The following SCFD1 variants were observed in gnomAD, a reference collection of about 807,000 sequenced individuals.
The protein encoded by SCFD1 is sec1 family domain containing 1.
Under a neutral mutation model 103.2 loss-of-function variants are expected in SCFD1, and 37 were observed. The ratio of observed to expected loss-of-function variants is 0.36; its 90% confidence interval spans 0.28 to 0.47. SCFD1 has a LOEUF of 0.47. SCFD1 is among the 20% of genes least tolerant of loss of function. The pLI is 1.00. For synonymous variants in SCFD1, 264 were observed against 245.0 expected, an observed-to-expected ratio of 1.08 and a Z score of -0.73; for missense variants, 639 against 761.2, an observed-to-expected ratio of 0.84 and a Z score of 1.89.
At chr14:30,698,612 G>A (rs960020202) in intron 15 of SCFD1, among the ~76,000 whole-genome samples, 5 of 152,152 alleles carry the variant, frequency 3.3e-5, no homozygotes, top group African/African-American at 1.2e-4. Flanking sequence ...GGTCCCAAGC[G>A]GGTAGGACAA....
chr14:30,661,069 G>A (rs1331074832), intron 10 of SCFD1, among the ~76,000 whole-genome samples: 3 of 151,962 alleles, frequency 2.0e-5, no homozygotes, highest in Admixed American at 6.6e-5. Context: ...TTTCCATGGC[G>A]AAAAAGACAG....
chr14:30,712,337 G>A (rs551271697), intron 19 of SCFD1, among the ~76,000 whole-genome samples: 2 of 152,120 alleles, frequency 1.3e-5, no homozygotes, highest in South Asian at 2.1e-4. Context: ...TGCCAGCTTC[G>A]ACATCAGAGT....
At chr14:30,708,779 TAATAA>T (rs1891659198) in intron 19 of SCFD1, among the ~76,000 whole-genome samples, 1 of 152,194 alleles carries the variant, frequency 6.6e-6, no homozygotes, top group African/African-American at 2.4e-5. Flanking sequence ...TATTTGGGGA[TAATAA>T]AATTGTACCT....
intron 15 of SCFD1, among the ~76,000 whole-genome samples, chr14:30,698,536 C>T (rs1890854210): frequency 6.6e-6 from 1 of 152,206 alleles, no homozygotes; most frequent in African/African-American, 2.4e-5. Flanking sequence ...TGGAAGCAAA[C>T]TCGGGGACCC....
chr14:30,647,557 G>A (rs1405596570), intron 7 of SCFD1, among the ~76,000 whole-genome samples: 1 of 152,034 alleles, frequency 6.6e-6, no homozygotes, highest in Non-Finnish European at 1.5e-5. Context: ...TCCAGTTTCT[G>A]CCTGCTTTGA....
intron 10 of SCFD1, chr14:30,658,162 T>TA: frequency 2.2e-6 from 1 of 445,612 alleles, no homozygotes. Context: ...TCTGTTTTTT[T>TA]ACTTGGCCTT....
intron 23 of SCFD1, among the ~76,000 whole-genome samples, chr14:30,732,277 T>TTCTA (rs1893530694): frequency 6.6e-6 from 1 of 152,302 alleles, no homozygotes; most frequent in East Asian, 1.9e-4. Flanking sequence ...TTTGCTTCTT[T>TTCTA]TCTATCTTCT....
intron 10 of SCFD1, among the ~76,000 whole-genome samples, chr14:30,654,728 CTT>C (rs1886737364): frequency 6.6e-6 from 1 of 151,002 alleles, no homozygotes; most frequent in Non-Finnish European, 1.5e-5. Flanking sequence ...TGGTTTATTT[CTT>C]TAAAACCTGG....
At position 30,682,949 on chromosome 14, in the gene SCFD1, C is replaced by T. The variant is rs188587973; in HGVS notation, c.1242+7884C>T. ...GACAAAAACAAAAATAATATCACAG[C>T]TCATGATACAGAGTCTATACAGAAA... On this transcript the variant is annotated intron_variant, in intron 14 of 24. Transcript: ENST00000458591. 3.4e-5 allele frequency: 17 copies of T among 499,092 alleles called. No individual in the cohort carries two copies. The East Asian group carries it at 5.1e-4, about 15-fold the overall frequency. 30.9% of individuals were successfully genotyped at this position (499,092 alleles called of 1,614,324 possible).
chr14:30,651,058 A>C (rs1287700266), intron 9 of SCFD1, among the ~76,000 whole-genome samples: 2 of 152,084 alleles, frequency 1.3e-5, no homozygotes, highest in African/African-American at 4.8e-5. Flanking sequence ...ACATTTTATT[A>C]TTGTTAGCAT....
chr14:30,676,880 CAT>C lies in SCFD1; in HGVS notation c.1242+1817_1242+1818del, dbSNP rs780738651. On this transcript the variant is annotated intron_variant, in intron 14 of 24. Coordinates refer to ENST00000458591, the MANE Select transcript of SCFD1 (RefSeq NM_016106.4). ...TGTAGGTGAAAAATGATTTATAAGA[CAT>C]AATTTACTTACGAAATTTTTATCGT... Among the ~76,000 whole-genome samples, 43 of 152,280 alleles carry C rather than the reference CAT, an allele frequency of 2.8e-4. 1 individual carries two copies. The highest frequency in any genetic ancestry group is 3.4e-3 in the Middle Eastern group (1 of 294).
intron 23 of SCFD1, among the ~76,000 whole-genome samples, chr14:30,728,325 A>G (rs1460300948): frequency 6.6e-6 from 1 of 152,246 alleles, no homozygotes; most frequent in African/African-American, 2.4e-5. Flanking sequence ...TCTGTGGTAG[A>G]TAATGGTTGT....
intron 14 of SCFD1, among the ~76,000 whole-genome samples, chr14:30,680,077 T>A (rs17435401): frequency 6.6e-6 from 1 of 152,166 alleles, no homozygotes; most frequent in South Asian, 2.1e-4. Context: ...TACTGTGAAT[T>A]TCTGGAACTA....
intron 19 of SCFD1, among the ~76,000 whole-genome samples, chr14:30,714,473 G>C (rs989738433): frequency 6.6e-6 from 1 of 151,474 alleles, no homozygotes; most frequent in African/African-American, 2.4e-5. Context: ...ATTTATATTT[G>C]AAAGTACCTA....
chr14:30,634,074 G>A (rs746932119), intron 4 of SCFD1, 37 bp downstream of exon 4: 46 of 1,244,490 alleles, frequency 3.7e-5, no homozygotes, highest in Non-Finnish European at 4.8e-5. Context: ...TCCTGAATTT[G>A]GAAATGGATT....
intron 7 of SCFD1, among the ~76,000 whole-genome samples, chr14:30,648,714 A>G (rs927304700): frequency 1.3e-5 from 2 of 152,308 alleles, no homozygotes; most frequent in South Asian, 2.1e-4. Context: ...ACCAGCCTGG[A>G]CAGCATAGTG....
At chr14:30,725,095 T>A (rs1405840719) in intron 23 of SCFD1, among the ~76,000 whole-genome samples, 1 of 152,218 alleles carries the variant, frequency 6.6e-6, no homozygotes, top group Non-Finnish European at 1.5e-5. Context: ...AGCCCTGTAC[T>A]ATAGTTTGAA....
intron 10 of SCFD1, among the ~76,000 whole-genome samples, chr14:30,660,256 C>T (rs1303627248): frequency 6.6e-6 from 1 of 152,098 alleles, no homozygotes; most frequent in Non-Finnish European, 1.5e-5. Flanking sequence ...TACATTTTGG[C>T]ATTTGGCTGA....
At chr14:30,700,035 A>G (rs1283118968) in intron 15 of SCFD1, among the ~76,000 whole-genome samples, 153 bp from the exon 16 acceptor site, 1 of 152,188 alleles carries the variant, frequency 6.6e-6, no homozygotes, top group Non-Finnish European at 1.5e-5. Flanking sequence ...TTACATGGTT[A>G]TAATTATATG....
Sources: allele counts gnomAD v4.1 joint callset (sites outside exome capture counted in the v4.1 genomes callset), GRCh38; gene constraint gnomAD v4.1.1; transcripts MANE v1.5; gene names NCBI Gene and HGNC (gene_info 2026-07-23, HGNC 2026-07-21).